TRAK1: variants seen among roughly 807,000 people sequenced by gnomAD.
TRAK1 encodes the protein trafficking kinesin-binding protein 1.
In TRAK1, 33 loss-of-function variants were observed where a neutral mutation model predicts 92.1. That is an observed-to-expected ratio of 0.36 (90% CI 0.27 to 0.48). The LOEUF (loss-of-function observed/expected upper bound fraction) is 0.48, where lower values mean the gene tolerates loss of function less well. TRAK1 is among the 20% of genes least tolerant of loss of function. The pLI is 0.99. For synonymous variants in TRAK1, 521 were observed against 517.3 expected (o/e 1.01, Z -0.10); for missense variants, 1,123 against 1,257.9 (o/e 0.89, Z 1.62).
intron 4 of TRAK1, among the ~76,000 whole-genome samples, chr3:42,187,724 C>T (rs1165701595): frequency 6.6e-6 from 1 of 152,142 alleles, no homozygotes; most frequent in African/African-American, 2.4e-5. Flanking sequence ...GCCTCGGCCT[C>T]CCAAAATGCT....
intron 1 of TRAK1, among the ~76,000 whole-genome samples, chr3:42,038,229 A>C (rs1162976851): frequency 6.6e-6 from 1 of 152,184 alleles, no homozygotes; most frequent in African/African-American, 2.4e-5. Flanking sequence ...TGGCTTTAAA[A>C]TCTTTTAAAT....
At chr3:42,023,204 G>T (rs17285115) in intron 1 of TRAK1, among the ~76,000 whole-genome samples, 1,761 of 151,438 alleles carry the variant, frequency 0.012, 17 homozygotes, top group Non-Finnish European at 0.015. Context: ...ATTCCTGGGA[G>T]TTTGGCTATC....
intron 2 of TRAK1, among the ~76,000 whole-genome samples, chr3:42,143,808 T>C (rs939970165): frequency 2.0e-5 from 3 of 152,008 alleles, no homozygotes; most frequent in African/African-American, 7.3e-5. Context: ...TGAAGGAAAG[T>C]GGATTTGATG....
intron 2 of TRAK1, among the ~76,000 whole-genome samples, chr3:42,140,485 C>T (rs1357467104): frequency 3.3e-5 from 5 of 151,986 alleles, no homozygotes; most frequent in South Asian, 2.1e-4. Context: ...AAATTAGCCA[C>T]GCGTGGTGGC....
Position 42,181,533 on chromosome 3 carries a change from G to C in TRAK1, c.364-3152G>C, listed in dbSNP as rs139952529. Among the ~76,000 whole-genome samples the C allele has an allele frequency of 2.1e-3, 325 of 152,288 alleles. 3 individuals are homozygous for C. The highest frequency in any genetic ancestry group is 7.5e-3 in the African/African-American group (311 of 41,556). On this transcript the variant is annotated intron_variant, in intron 3 of 15. Transcript: ENST00000327628. The stretch of plus-strand genomic sequence containing the variant: ...CACTCCAGCCTGGGCGACAGATCGA[G>C]ACTCCATATCAAAAACCAACAAAAA...
chr3:42,101,201 A>G (rs530483730), intron 1 of TRAK1, among the ~76,000 whole-genome samples: 1 of 152,188 alleles, frequency 6.6e-6, no homozygotes, highest in East Asian at 1.9e-4. Context: ...GACAGACCCA[A>G]CCACGCCACA....
intron 2 of TRAK1, among the ~76,000 whole-genome samples, chr3:42,143,827 A>G (rs1699001574): frequency 6.6e-6 from 1 of 152,078 alleles, no homozygotes; most frequent in African/African-American, 2.4e-5. Context: ...TGTCAGATAG[A>G]CTTGGATTTT....
chr3:42,068,565 C>T (rs555941115), intron 1 of TRAK1, among the ~76,000 whole-genome samples: 5 of 152,254 alleles, frequency 3.3e-5, no homozygotes, highest in Admixed American at 6.5e-5. Context: ...TGAGTTTTAC[C>T]GTGTTCCAGG....
chr3:42,177,718 C>T (rs143404736), intron 3 of TRAK1, among the ~76,000 whole-genome samples: 3 of 152,298 alleles, frequency 2.0e-5, no homozygotes, highest in Admixed American at 2.0e-4. Flanking sequence ...CTGGGCCAGA[C>T]TCGTTTCCCA....
chr3:42,115,014 A>G (rs1708988863), intron 1 of TRAK1, among the ~76,000 whole-genome samples: 1 of 152,206 alleles, frequency 6.6e-6, no homozygotes, highest in Admixed American at 6.5e-5. Flanking sequence ...TGCCCAGCCA[A>G]CATATGCTTT....
upstream of TRAK1, among the ~76,000 whole-genome samples, chr3:42,085,170 A>G (rs1262353320): frequency 6.6e-6 from 1 of 150,652 alleles, no homozygotes; most frequent in Admixed American, 6.6e-5. Context: ...AAAAAAAATC[A>G]TTTTTTTTTC....
At chr3:42,184,829 G>T in intron 4 of TRAK1, 28 bp downstream of exon 4, 1 of 1,592,954 alleles carries the variant, frequency 6.3e-7, no homozygotes, top group Non-Finnish European at 8.6e-7. Context: ...GAGGCTTCCA[G>T]AGGGGCCCGC....
chr3:42,093,644 T>TCTCCCC lies in TRAK1; in HGVS notation c.91+2084_91+2085insCTCCCC, dbSNP rs370971119. On this transcript the variant is annotated intron_variant, in intron 1 of 15. Transcript: ENST00000327628. ...CTCCCCTCTCTTCTCTCTTCTCTTTTTTCTCCCCTTCCCTTCCCTTCCCTC... is the reference window on the plus strand; with the variant it reads ...CTCCCCTCTCTTCTCTCTTCTCTTTTCTCCCCTTCTCCCCTTCCCTTCCCTTCCCTC... Among the ~76,000 whole-genome samples, 47 of 124,126 alleles carry TCTCCCC rather than the reference T, an allele frequency of 3.8e-4. 1 individual carries two copies. Among genetic ancestry groups the TCTCCCC allele is most frequent in the African/African-American group, 1.3e-3 (42 of 33,122 alleles). 81.4% of individuals were successfully genotyped at this position (124,126 alleles called of 152,430 possible).
chr3:42,093,708 T>TTCCCTCCCC (rs1705483354), intron 1 of TRAK1, among the ~76,000 whole-genome samples: 1 of 32,550 alleles, frequency 3.1e-5, no homozygotes, highest in African/African-American at 1.0e-4. Flanking sequence ...TCCCCTCCCC[T>TTCCCTCCCC]TCCTTTTTTT....
chr3:42,218,080 AC>A, intron 14 of TRAK1: 1 of 985,316 alleles, frequency 1.0e-6, no homozygotes, highest in Non-Finnish European at 1.2e-6. Flanking sequence ...CCCGAGTCAG[AC>A]CTTAAAAATC....
intron 2 of TRAK1, among the ~76,000 whole-genome samples, chr3:42,137,335 C>T (rs1398078123): frequency 6.6e-6 from 1 of 152,334 alleles, no homozygotes; most frequent in South Asian, 2.1e-4. Context: ...ATAGTACTTA[C>T]AAGCAATTTG....
At chr3:42,088,021 A>T (rs1030690219), upstream of TRAK1, among the ~76,000 whole-genome samples, 9 of 152,202 alleles carry the variant, frequency 5.9e-5, no homozygotes, top group Non-Finnish European at 1.2e-4. Context: ...AGCACAAGAG[A>T]GGGCTCTCAA....
intron 1 of TRAK1, among the ~76,000 whole-genome samples, chr3:42,110,094 G>GTGTATATA (rs1417746436): frequency 1.3e-4 from 11 of 83,232 alleles, no homozygotes; most frequent in Middle Eastern, 6.6e-3. Flanking sequence ...AGAACTTAAA[G>GTGTATATA]TATATATATA....
intron 15 of TRAK1, chr3:42,221,911 C>T (rs1253660929): frequency 6.6e-6 from 1 of 151,898 alleles, no homozygotes; most frequent in African/African-American, 2.4e-5. Context: ...AATACCCCGC[C>T]GTGACGACTT....
Sources: allele counts gnomAD v4.1 joint callset (sites outside exome capture counted in the v4.1 genomes callset), GRCh38; gene constraint gnomAD v4.1.1; transcripts MANE v1.5; gene names NCBI Gene and HGNC (gene_info 2026-07-23, HGNC 2026-07-21).